The following ATP8A2 variants were observed in gnomAD, a reference collection of about 807,000 sequenced individuals.
The protein encoded by ATP8A2 is ATPase phospholipid transporting 8A2.
In ATP8A2, 100 loss-of-function variants were observed where a neutral mutation model predicts 165.6. The ratio of observed to expected loss-of-function variants is 0.60; its 90% confidence interval spans 0.51 to 0.71. ATP8A2 has a LOEUF of 0.71. Ranked by LOEUF, ATP8A2 falls within the 30% of genes least tolerant of loss-of-function variation. The pLI is 0.00. For missense variants in ATP8A2, 1,227 were observed against 1,479.5 expected, an observed-to-expected ratio of 0.83 and a Z score of 2.80; for synonymous variants, 543 against 548.8, an observed-to-expected ratio of 0.99 and a Z score of 0.15.
intron 2 of ATP8A2, among the ~76,000 whole-genome samples, chr13:25,473,702 C>G (rs1248470380): frequency 6.6e-6 from 1 of 152,078 alleles, no homozygotes; most frequent in Non-Finnish European, 1.5e-5. Flanking sequence ...CCTAAGGAAC[C>G]ACAAATTTAC....
intron 25 of ATP8A2, among the ~76,000 whole-genome samples, chr13:25,716,855 G>A (rs187425676): frequency 1.3e-5 from 2 of 152,324 alleles, no homozygotes; most frequent in Non-Finnish European, 2.9e-5. Flanking sequence ...AGCAAATGCA[G>A]TGATGACAAG....
intron 27 of ATP8A2, among the ~76,000 whole-genome samples, chr13:25,822,837 T>G (rs1365500595): frequency 6.6e-6 from 1 of 152,240 alleles, no homozygotes; most frequent in East Asian, 1.9e-4. Flanking sequence ...TCATGTTTTC[T>G]TCCAATGCTT....
chr13:25,943,714 G>A (rs1955135519), intron 33 of ATP8A2, among the ~76,000 whole-genome samples: 1 of 152,198 alleles, frequency 6.6e-6, no homozygotes, highest in South Asian at 2.1e-4. Flanking sequence ...TCGCTTCATA[G>A]ATCCCAACTT....
chr13:25,805,477 A>G (rs1950714486), intron 27 of ATP8A2, among the ~76,000 whole-genome samples: 2 of 152,142 alleles, frequency 1.3e-5, no homozygotes, highest in Non-Finnish European at 2.9e-5. Flanking sequence ...AGATCATGCC[A>G]CTGTACTCCA....
rs370500987 is a variant in ATP8A2, at chr13:25,801,122, A to G, written c.2679+26163A>G. On this transcript the variant is annotated intron_variant, in intron 27 of 36. Transcript: ENST00000381655. Reference sequence around the variant, plus strand: ...TACAACGGGAAAAGAAATCTGCCTTATGGAAAGAGAATGAACATTTGCTGG... The same window carrying G: ...TACAACGGGAAAAGAAATCTGCCTTGTGGAAAGAGAATGAACATTTGCTGG... Among the ~76,000 whole-genome samples, 122 of 152,312 alleles carry G rather than the reference A, an allele frequency of 8.0e-4. 1 individual carries two copies. The highest frequency in any genetic ancestry group is 3.1e-3 in the South Asian group (15 of 4,830).
At chr13:25,896,313 G>A (rs1313106167) in intron 33 of ATP8A2, among the ~76,000 whole-genome samples, 1 of 152,164 alleles carries the variant, frequency 6.6e-6, no homozygotes, top group Non-Finnish European at 1.5e-5. Flanking sequence ...TCAGGAGCAG[G>A]TTGTTCAGTT....
At chr13:25,846,341 G>A (rs1463500325) in intron 30 of ATP8A2, among the ~76,000 whole-genome samples, 2 of 152,188 alleles carry the variant, frequency 1.3e-5, no homozygotes, top group Non-Finnish European at 1.5e-5. Flanking sequence ...AGAAGGTCAA[G>A]TTCAGATGGG....
intron 13 of ATP8A2, among the ~76,000 whole-genome samples, chr13:25,556,418 A>T (rs1182070700): frequency 6.6e-6 from 1 of 151,858 alleles, no homozygotes; most frequent in Admixed American, 6.6e-5. Flanking sequence ...GTTTCTTTGG[A>T]GAATGTCTGT....
At chr13:25,614,485 A>G (rs962859770) in intron 24 of ATP8A2, among the ~76,000 whole-genome samples, 4 of 152,166 alleles carry the variant, frequency 2.6e-5, no homozygotes, top group African/African-American at 9.7e-5. Context: ...GAGTAGCTAA[A>G]TAAGCAACCT....
At chr13:25,838,737 T>G (rs1951685632) in intron 29 of ATP8A2, among the ~76,000 whole-genome samples, 1 of 152,130 alleles carries the variant, frequency 6.6e-6, no homozygotes, top group Admixed American at 6.5e-5. Flanking sequence ...TTAAATAAAT[T>G]TAATCTGGCT....
intron 1 of ATP8A2, among the ~76,000 whole-genome samples, chr13:25,386,315 A>T (rs2033043090): frequency 6.6e-6 from 1 of 152,146 alleles, no homozygotes; most frequent in African/African-American, 2.4e-5. Context: ...TTTCTTTGTG[A>T]TGATGGTGCT....
chr13:25,380,015 G>A (rs920074211), intron 1 of ATP8A2, among the ~76,000 whole-genome samples: 3 of 152,142 alleles, frequency 2.0e-5, no homozygotes, highest in Non-Finnish European at 4.4e-5. Flanking sequence ...AAGGGTTCTC[G>A]GGTAAGAATA....
At chr13:25,883,872 C>T (rs546184337) in intron 33 of ATP8A2, among the ~76,000 whole-genome samples, 1 of 152,128 alleles carries the variant, frequency 6.6e-6, no homozygotes, top group Non-Finnish European at 1.5e-5. Context: ...GTTCCTGAGA[C>T]CTTGAGCGAC....
chr13:25,742,988 T>C (rs1334660904), intron 25 of ATP8A2, among the ~76,000 whole-genome samples: 1 of 152,092 alleles, frequency 6.6e-6, no homozygotes, highest in Admixed American at 6.5e-5. Context: ...TTATAAGTTG[T>C]ATTGTGTCCA....
intron 25 of ATP8A2, among the ~76,000 whole-genome samples, chr13:25,766,239 T>A (rs2138273704): frequency 6.6e-6 from 1 of 152,318 alleles, no homozygotes; most frequent in African/African-American, 2.4e-5. Flanking sequence ...ATGTCCTCAG[T>A]GTCTCAGCAA....
chr13:25,691,343 T>A (rs940199505), intron 24 of ATP8A2, among the ~76,000 whole-genome samples: 7 of 152,244 alleles, frequency 4.6e-5, no homozygotes, highest in Non-Finnish European at 1.0e-4. Context: ...CTTTATTGTA[T>A]GTCAGTTAAT....
intron 15 of ATP8A2, among the ~76,000 whole-genome samples, chr13:25,560,497 C>T (rs59597875): frequency 6.6e-6 from 1 of 151,800 alleles, no homozygotes; most frequent in Non-Finnish European, 1.5e-5. Flanking sequence ...GTCAGGAGTT[C>T]GAGACCAGCC....
At position 25,563,950 on chromosome 13, in the gene ATP8A2, T is replaced by C; in HGVS notation, c.1398-6T>C. 1 of 1,604,798 alleles carries C rather than the reference T, an allele frequency of 6.2e-7. No individual in the cohort carries two copies. The highest frequency in any genetic ancestry group is 2.2e-5 in the East Asian group (1 of 44,814). ...TTGAATAAATTTTCTCTGTTCTCTCTTACAGTCGGATGCCTCCTCCCTGTA... is the reference window on the plus strand; with the variant it reads ...TTGAATAAATTTTCTCTGTTCTCTCCTACAGTCGGATGCCTCCTCCCTGTA... On this transcript the variant is annotated splice_region_variant and splice_polypyrimidine_tract_variant and intron_variant, in intron 15 of 36. Coordinates refer to ENST00000381655, the MANE Select transcript of ATP8A2 (RefSeq NM_016529.6).
chr13:25,912,239 C>T (rs1018919740), intron 33 of ATP8A2, among the ~76,000 whole-genome samples: 23 of 151,090 alleles, frequency 1.5e-4, no homozygotes, highest in Non-Finnish European at 3.2e-4. Context: ...TAGTCATTTG[C>T]AAAAATATGG....
Sources: allele counts gnomAD v4.1 joint callset (sites outside exome capture counted in the v4.1 genomes callset), GRCh38; gene constraint gnomAD v4.1.1; transcripts MANE v1.5; gene names NCBI Gene and HGNC (gene_info 2026-07-23, HGNC 2026-07-21).